PIEZO2: variants seen among roughly 807,000 people sequenced by gnomAD.
PIEZO2 encodes piezo type mechanosensitive ion channel component 2, also known as piezo-type mechanosensitive ion channel component 2.
PIEZO2 carries 172 observed loss-of-function variants against 337.3 expected under a neutral mutation model. That is an observed-to-expected ratio of 0.51 (90% CI 0.45 to 0.58). The LOEUF (loss-of-function observed/expected upper bound fraction) is 0.58, where lower values mean the gene tolerates loss of function less well. Ranked by LOEUF, PIEZO2 falls within the 20% of genes least tolerant of loss-of-function variation. The probability of loss-of-function intolerance (pLI) is 0.00; values close to 1 mark genes in which losing one functional copy is unlikely to be tolerated. For missense variants in PIEZO2, 3,028 were observed against 3,391.3 expected, an observed-to-expected ratio of 0.89 and a Z score of 2.66; for synonymous variants, 1,251 against 1,228.5, an observed-to-expected ratio of 1.02 and a Z score of -0.38.
At chr18:10,907,311 C>A (rs1437486460) in intron 4 of PIEZO2, among the ~76,000 whole-genome samples, 1 of 151,870 alleles carries the variant, frequency 6.6e-6, no homozygotes, top group African/African-American at 2.4e-5. Flanking sequence ...GGTGTGATGG[C>A]GGGTGCATGT....
chr18:11,141,379 G>A (rs60461998), intron 1 of PIEZO2, among the ~76,000 whole-genome samples: 52,573 of 151,964 alleles, frequency 0.35, 9,545 homozygotes, highest in East Asian at 0.46. Flanking sequence ...TATGCTTCTC[G>A]GAAGAAGATT....
chr18:10,740,605 C>T (rs1293240007), intron 33 of PIEZO2: 1 of 225,220 alleles, frequency 4.4e-6, no homozygotes, highest in African/African-American at 2.3e-5. Flanking sequence ...GTCACTGACC[C>T]TTTGAATAGA....
chr18:10,935,877 C>T (rs534625557), intron 3 of PIEZO2, among the ~76,000 whole-genome samples: 1 of 152,190 alleles, frequency 6.6e-6, no homozygotes, highest in Non-Finnish European at 1.5e-5. Context: ...TTTCTTGAAC[C>T]CACATTTACT....
Position 11,112,327 on chromosome 18 carries a change from G to T in PIEZO2, c.64+36198C>A, listed in dbSNP as rs543517207. Among the ~76,000 whole-genome samples, 55 of 152,290 alleles carry T rather than the reference G, an allele frequency of 3.6e-4. No homozygotes were observed. The highest frequency in any genetic ancestry group is 6.3e-4 in the Non-Finnish European group (43 of 68,022). ...GAGTTTAAAATAAAAACAGTTATTT[G>T]AGATATTCTGATCCACCCATTTAAG... On this transcript the variant is annotated intron_variant, in intron 1 of 55. Transcript: ENST00000674853. This position sits in a 1 kb window ranked among gnomAD's most constrained non-coding sequence, Gnocchi z 4.3.
rs138592234 is a variant in PIEZO2 at position 11,057,960 on chromosome 18, T to C, written c.160+8167A>G. 5.3e-4 allele frequency among the ~76,000 whole-genome samples: 81 copies of C among 152,370 alleles called. 1 individual carries two copies. In the East Asian group the frequency reaches 0.012, roughly 23 times the overall value. ...TTAAACATAGGCATGGGAAAGCATCTAATAATACTCAGATATTCTTTGTCC... is the reference window on the plus strand; with the variant it reads ...TTAAACATAGGCATGGGAAAGCATCCAATAATACTCAGATATTCTTTGTCC... On this transcript the variant is annotated intron_variant, in intron 2 of 55. Transcript: ENST00000674853.
At chr18:10,769,479 G>T (rs999746130) in intron 21 of PIEZO2, among the ~76,000 whole-genome samples, 3 of 152,366 alleles carry the variant, frequency 2.0e-5, no homozygotes, top group African/African-American at 7.2e-5. Context: ...ACTTTTTAAA[G>T]ATTATAGGCA....
chr18:10,761,064 G>A lies in PIEZO2; in HGVS notation c.3297C>T (p.Tyr1099=). Residue 1099 remains tyrosine (Y), a synonymous_variant, in exon 24 of 56, where the codon TAC becomes TAT. Transcript: ENST00000674853. ...LAILAFEVTI[Y]RHQEYYRGRN... ...GACCTCGATAGTATTCCTGATGGCG[G>A]TAAATGGTGACTTCAAAGGCCAGGA... 6.5e-7 allele frequency: 1 copy of A among 1,537,244 alleles called. No individual in the cohort carries two copies. Among genetic ancestry groups the A allele is most frequent in the Middle Eastern group, 1.7e-4 (1 of 5,990 alleles).
chr18:10,807,218 A>G lies in PIEZO2; in HGVS notation c.974T>C (p.Ile325Thr), dbSNP rs201187703. The G allele has an allele frequency of 2.1e-5, 33 of 1,537,328 alleles. No individual in the cohort carries two copies. Among genetic ancestry groups the G allele is most frequent in the Non-Finnish European group, 2.9e-5 (33 of 1,146,928 alleles). ...QTDCSSTWKI[I>T]VNPDLSWYHH... The stretch of plus-strand genomic sequence containing the variant: ...GTACCACGACAGGTCCGGGTTCACT[A>G]TGATCTTCCAAGTACTTGAACAGTC... The change falls in exon 8 of 56, where the codon ATA (isoleucine) becomes ACA (threonine). Residue 325 changes from isoleucine to threonine, a missense_variant. By Grantham distance (89) the Ile-to-Thr change is moderately conservative. This residue lies in a region of PIEZO2 where 542 missense variants were observed against 605.6 expected (regional missense o/e 0.89). Transcript: ENST00000674853.
intron 7 of PIEZO2, among the ~76,000 whole-genome samples, chr18:10,826,439 C>T (rs1051705813): frequency 2.0e-5 from 3 of 152,196 alleles, no homozygotes; most frequent in African/African-American, 4.8e-5. Flanking sequence ...CATCTGCCAT[C>T]TATTTACTTA....
In PIEZO2 at chr18:10,724,922, C is replaced by T; in HGVS notation, c.5029+6485G>A. ...CGTGGCACCCTGGGACAGCCTCCACCTGGACGGCGATGGAACCCAGGTGGG... is the reference window on the plus strand; with the variant it reads ...CGTGGCACCCTGGGACAGCCTCCACTTGGACGGCGATGGAACCCAGGTGGG... On this transcript the variant is annotated intron_variant, in intron 36 of 55. Transcript: ENST00000674853. The surrounding 1 kb of genome is among the most constrained non-coding windows in gnomAD (Gnocchi z 5.8). 6.2e-7 allele frequency: 1 copy of T among 1,607,234 alleles called. No individual in the cohort carries two copies. Among genetic ancestry groups the T allele is most frequent in the Non-Finnish European group, 8.5e-7 (1 of 1,176,552 alleles).
chr18:10,801,463 G>A (rs1407075064), intron 9 of PIEZO2, 35 bp from the exon 10 acceptor site: 7 of 1,475,256 alleles, frequency 4.7e-6, no homozygotes, highest in Non-Finnish European at 6.4e-6. Context: ...ATGTTAGTAA[G>A]GAAGCTGAAA....
intron 27 of PIEZO2, among the ~76,000 whole-genome samples, chr18:10,753,721 A>C (rs533124500): frequency 6.6e-6 from 1 of 152,254 alleles, no homozygotes; most frequent in South Asian, 2.1e-4. Context: ...GTAATTGCTT[A>C]ATAAAATATG....
At chr18:10,696,812 G>A (rs1411161304) in intron 45 of PIEZO2, among the ~76,000 whole-genome samples, 1 of 152,214 alleles carries the variant, frequency 6.6e-6, no homozygotes, top group Non-Finnish European at 1.5e-5. Context: ...AGAATGGTAT[G>A]ATGCCCTGGG....
chr18:10,842,289 G>T (rs2041221475), intron 7 of PIEZO2, among the ~76,000 whole-genome samples: 1 of 151,760 alleles, frequency 6.6e-6, no homozygotes, highest in Non-Finnish European at 1.5e-5. Context: ...GCTATAGTTT[G>T]GATGTTTGTC....
chr18:11,148,435 C>A lies in PIEZO2; in HGVS notation c.64+90G>T. 3.5e-6 allele frequency: 5 copies of A among 1,411,914 alleles called. No individual in the cohort carries two copies. Among genetic ancestry groups the A allele is most frequent in the Admixed American group, 2.0e-5 (1 of 50,386 alleles). The allele number at this position is 1,411,914 out of a possible 1,614,324, so 87.5% of individuals were successfully genotyped here. On this transcript the variant is annotated intron_variant, in intron 1 of 55. Coordinates refer to ENST00000674853, the MANE Select transcript of PIEZO2 (RefSeq NM_001378183.1). The surrounding 1 kb of genome is among the most constrained non-coding windows in gnomAD (Gnocchi z 5.2). ...TGGCCTCCCGAATCGAACCCCAGAG[C>A]ACCAGAGCCCTTCACTTTGTTAAGA...
intron 20 of PIEZO2, among the ~76,000 whole-genome samples, chr18:10,770,845 C>T (rs1918677): frequency 1.3e-5 from 2 of 151,390 alleles, no homozygotes; most frequent in African/African-American, 4.9e-5. Flanking sequence ...TGAGTTCAAG[C>T]GATTCTCCTT....
intron 4 of PIEZO2, among the ~76,000 whole-genome samples, chr18:10,885,066 G>A (rs534092724): frequency 1.3e-5 from 2 of 152,192 alleles, no homozygotes; most frequent in East Asian, 3.9e-4. Flanking sequence ...GGCTGATATG[G>A]AAGAAAATAC....
intron 39 of PIEZO2, among the ~76,000 whole-genome samples, chr18:10,712,677 T>C (rs1033372936): frequency 6.6e-6 from 1 of 152,228 alleles, no homozygotes; most frequent in Non-Finnish European, 1.5e-5. Context: ...TGATATTAAA[T>C]GTTCTCTTTG....
intron 8 of PIEZO2, among the ~76,000 whole-genome samples, chr18:10,805,827 G>T (rs924759121): frequency 1.1e-4 from 16 of 152,220 alleles, no homozygotes; most frequent in Admixed American, 9.8e-4. Flanking sequence ...ACTGAGATGG[G>T]GGGGAGGTAG....
Sources: gnomAD v4.1 joint callset for allele counts (sites outside exome capture counted in the v4.1 genomes callset) on GRCh38, gnomAD v4.1.1 for gene constraint, gnomAD v4.1.1 regional missense constraint, Gnocchi (gnomAD v3.1) non-coding constraint, MANE v1.5 for transcripts, NCBI Gene and HGNC (gene_info 2026-07-23, HGNC 2026-07-21) for gene names.